The following DRC8 variants were observed in gnomAD, a reference collection of about 807,000 sequenced individuals.
DRC8 encodes the protein dynein regulatory complex protein 8.
the DRC8 span, among the ~76,000 whole-genome samples, chr1:245,060,709 T>G: frequency 8.5e-5 from 13 of 152,208 alleles, no homozygotes; most frequent in African/African-American, 3.1e-4. Context: ...TACAGCGAAA[T>G]CATCATCATC....
At chr1:244,982,892 G>A in the DRC8 span, among the ~76,000 whole-genome samples, 8 of 151,832 alleles carry the variant, frequency 5.3e-5, no homozygotes, top group African/African-American at 1.9e-4. Flanking sequence ...GTGAAACCCT[G>A]TCTGTACTAA....
At chr1:245,057,426 T>C in the DRC8 span, among the ~76,000 whole-genome samples, 1 of 152,240 alleles carries the variant, frequency 6.6e-6, no homozygotes, top group Admixed American at 6.5e-5. Flanking sequence ...CATTTCAACA[T>C]GTAACCAATA....
At chr1:245,059,236 C>G in the DRC8 span, 1 of 618,788 alleles carries the variant, frequency 1.6e-6, no homozygotes, top group African/African-American at 1.9e-5. Flanking sequence ...CCTCCTTTTT[C>G]TTTCCCCAGA....
chr1:245,098,051 G>A, the DRC8 span, among the ~76,000 whole-genome samples: 2 of 152,220 alleles, frequency 1.3e-5, no homozygotes, highest in Admixed American at 6.5e-5. Context: ...TGGTGTCTCA[G>A]GCCGGGGAGA....
At chr1:245,030,258 A>G in the DRC8 span, among the ~76,000 whole-genome samples, 3 of 152,168 alleles carry the variant, frequency 2.0e-5, no homozygotes, top group Admixed American at 6.5e-5. Flanking sequence ...GCTCCTTTTT[A>G]TCATTCTGTT....
the DRC8 span, among the ~76,000 whole-genome samples, chr1:245,020,172 G>C: frequency 6.6e-6 from 1 of 152,136 alleles, no homozygotes; most frequent in African/African-American, 2.4e-5. Context: ...CTAGGTCTTA[G>C]AATTTTGTGG....
the DRC8 span, among the ~76,000 whole-genome samples, chr1:244,982,775 G>A: frequency 6.6e-6 from 1 of 152,118 alleles, no homozygotes; most frequent in Admixed American, 6.6e-5. Flanking sequence ...AAAGAATAGA[G>A]CAGAAGAAAT....
the DRC8 span, among the ~76,000 whole-genome samples, chr1:245,034,877 G>C: frequency 1.8e-5 from 2 of 108,480 alleles, no homozygotes; most frequent in Admixed American, 1.8e-4. Context: ...TTTTTTTTTT[G>C]CAAAAGTTTA....
the DRC8 span, among the ~76,000 whole-genome samples, chr1:244,975,454 A>G: frequency 6.6e-6 from 1 of 152,228 alleles, no homozygotes; most frequent in Non-Finnish European, 1.5e-5. Flanking sequence ...AAGTAGCTTC[A>G]AGTTCCTCAG....
the DRC8 span, among the ~76,000 whole-genome samples, chr1:245,112,772 G>A: frequency 7.9e-5 from 8 of 101,374 alleles, no homozygotes; most frequent in Non-Finnish European, 1.2e-4. Context: ...TTTTTTTTTT[G>A]AGATGGAGTC....
the DRC8 span, among the ~76,000 whole-genome samples, chr1:245,052,317 G>A: frequency 6.6e-6 from 1 of 152,150 alleles, no homozygotes; most frequent in Non-Finnish European, 1.5e-5. Context: ...CAGGATTATG[G>A]ACTAACAGCA....
the DRC8 span, among the ~76,000 whole-genome samples, chr1:245,109,204 T>C: frequency 6.6e-6 from 1 of 152,142 alleles, no homozygotes; most frequent in Non-Finnish European, 1.5e-5. Flanking sequence ...CATCAGGCAA[T>C]GAGAGGTGTC....
chr1:245,108,127 T>C, the DRC8 span, among the ~76,000 whole-genome samples: 1 of 152,024 alleles, frequency 6.6e-6, no homozygotes, highest in Non-Finnish European at 1.5e-5. Flanking sequence ...TCTCTCCCCG[T>C]CACCCACCCG....
the DRC8 span, among the ~76,000 whole-genome samples, chr1:245,005,863 C>G: frequency 2.0e-5 from 3 of 152,032 alleles, no homozygotes; most frequent in Non-Finnish European, 4.4e-5. Context: ...ACGTGAGTGA[C>G]GAATGGGAGA....
the DRC8 span, chr1:245,017,348 T>G: frequency 2.6e-6 from 4 of 1,533,048 alleles, no homozygotes; most frequent in Non-Finnish European, 1.8e-6. Context: ...TTTTTTTTTT[T>G]GTTACACTTT....
chr1:245,078,068 A>T, the DRC8 span, among the ~76,000 whole-genome samples: 2 of 152,162 alleles, frequency 1.3e-5, no homozygotes, highest in Admixed American at 6.5e-5. Flanking sequence ...CATTTTTTCA[A>T]AGGTGATGTA....
chr1:244,997,570 T>A, the DRC8 span, among the ~76,000 whole-genome samples: 1 of 150,232 alleles, frequency 6.7e-6, no homozygotes, highest in East Asian at 2.0e-4. Context: ...TGAGACGGAG[T>A]TTCGCTCTTG....
the DRC8 span, among the ~76,000 whole-genome samples, chr1:245,035,209 G>T: frequency 3.4e-5 from 5 of 148,964 alleles, no homozygotes; most frequent in African/African-American, 9.9e-5. Context: ...TAAACAAATT[G>T]ACAGTTAATT....
the DRC8 span, among the ~76,000 whole-genome samples, chr1:244,976,951 T>C: frequency 1.3e-5 from 2 of 152,252 alleles, no homozygotes; most frequent in African/African-American, 4.8e-5. Context: ...TGAAATATTA[T>C]TCAGCCTTCA....
Sources: allele counts gnomAD v4.1 joint callset (sites outside exome capture counted in the v4.1 genomes callset), GRCh38; gene constraint gnomAD v4.1.1; transcripts MANE v1.5; gene names NCBI Gene and HGNC (gene_info 2026-07-23, HGNC 2026-07-21).